CHRDL2: variants seen among roughly 807,000 people sequenced by gnomAD.
CHRDL2 encodes the protein chordin like 2, also known as chordin-like protein 2.
In CHRDL2, 41 loss-of-function variants were observed where a neutral mutation model predicts 54.3. That is an observed-to-expected ratio of 0.76 (90% CI 0.59 to 0.98). The LOEUF is 0.98. Ranked by LOEUF, CHRDL2 falls within the 50% of genes least tolerant of loss-of-function variation. The pLI, the probability that CHRDL2 is intolerant of heterozygous loss-of-function variation, is 0.00. For missense variants in CHRDL2, 518 were observed against 562.4 expected, an observed-to-expected ratio of 0.92 and a Z score of 0.80; for synonymous variants, 220 against 224.3, an observed-to-expected ratio of 0.98 and a Z score of 0.17.
chr11:74,703,160 C>T, intron 8 of CHRDL2, 145 bp downstream of exon 8: 2 of 1,084,786 alleles, frequency 1.8e-6, no homozygotes. Context: ...TTTTCCACTC[C>T]TGTGTGTCTG....
At chr11:74,697,110 C>G in intron 10 of CHRDL2, 95 bp downstream of exon 10, 2 of 942,460 alleles carry the variant, frequency 2.1e-6, no homozygotes, top group Non-Finnish European at 3.3e-6. Context: ...AGCCCCTCCT[C>G]CCGGCACCAG....
At chr11:74,718,317 G>A (rs76421961) in intron 2 of CHRDL2, among the ~76,000 whole-genome samples, 3,706 of 152,326 alleles carry the variant, frequency 0.024, 335 homozygotes, top group Admixed American at 0.16. Flanking sequence ...GCTAGTGGAG[G>A]TGGGGGAACA....
intron 4 of CHRDL2, among the ~76,000 whole-genome samples, chr11:74,710,133 A>G (rs768759001): frequency 4.0e-5 from 6 of 151,440 alleles, no homozygotes; most frequent in Admixed American, 6.6e-5. Flanking sequence ...GGAGAATGGC[A>G]TGAACCCGGG....
intron 2 of CHRDL2, among the ~76,000 whole-genome samples, chr11:74,714,798 T>G (rs1380412297): frequency 6.6e-6 from 1 of 152,208 alleles, no homozygotes; most frequent in African/African-American, 2.4e-5. Context: ...GTCTCTTGAT[T>G]CTGGCCTCGA....
At chr11:74,716,416 T>G (rs866176285) in intron 2 of CHRDL2, among the ~76,000 whole-genome samples, 1 of 151,820 alleles carries the variant, frequency 6.6e-6, no homozygotes, top group African/African-American at 2.4e-5. Context: ...GTGCCTGTAG[T>G]CCCAGCTACT....
intron 1 of CHRDL2, among the ~76,000 whole-genome samples, chr11:74,727,286 C>T (rs187986016): frequency 2.0e-5 from 3 of 152,210 alleles, no homozygotes; most frequent in Non-Finnish European, 4.4e-5. Context: ...CCCTCCACAT[C>T]ACATCCTACC....
intron 2 of CHRDL2, among the ~76,000 whole-genome samples, chr11:74,715,994 TAATA>T (rs145360099): frequency 0.091 from 13,852 of 151,734 alleles, 713 homozygotes; most frequent in Non-Finnish European, 0.13. Context: ...AATAAATAAA[TAATA>T]AATAAATAAA....
At position 74,696,537 on chromosome 11, in the gene CHRDL2, G is replaced by A. The variant is rs751859814; in HGVS notation, c.1262C>T (p.Ala421Val). 1.2e-6 allele frequency: 2 copies of A among 1,614,066 alleles called. No individual in the cohort carries two copies. The highest frequency in any genetic ancestry group is 2.2e-5 in the South Asian group (2 of 91,076). ...TGTCTTGGTCACTTTGTCTGGACTG[G>A]CCGTGACCTTCAGCTCCAGGGTCTG... is the stretch of plus-strand genomic sequence containing the variant. The part of the protein sequence containing the change: ...LAQTLELKVT[A>V]SPDKVTKT Residue 421 changes from alanine to valine, a missense_variant, in exon 11 of 11, where the codon GCC becomes GTC. Coordinates refer to ENST00000376332, the MANE Select transcript of CHRDL2 (RefSeq NM_001278473.3).
At chr11:74,701,534 G>A in intron 9 of CHRDL2, 1 of 710,824 alleles carries the variant, frequency 1.4e-6, no homozygotes, top group South Asian at 1.5e-5. Context: ...AGTAGAGCAG[G>A]GAAAGAGCCG....
At position 74,730,906 on chromosome 11, in the gene CHRDL2, G is replaced by A. The variant is rs2034643179; in HGVS notation, c.-18C>T. On this transcript the variant is annotated 5_prime_UTR_variant, in exon 1 of 11. Coordinates refer to ENST00000376332, the MANE Select transcript of CHRDL2 (RefSeq NM_001278473.3). ...GGAACCATCCTTTCCCCAGGGTCAGGCCGCTGGTCCGGGAGCGGAGTCGGG... is the reference window on the plus strand; with the variant it reads ...GGAACCATCCTTTCCCCAGGGTCAGACCGCTGGTCCGGGAGCGGAGTCGGG... The A allele has an allele frequency of 6.3e-7, 1 of 1,596,934 alleles. No homozygotes were observed. Among genetic ancestry groups the A allele is most frequent in the Non-Finnish European group, 8.5e-7 (1 of 1,171,484 alleles).
At chr11:74,726,719 A>G (rs1241323571) in intron 1 of CHRDL2, among the ~76,000 whole-genome samples, 1 of 152,238 alleles carries the variant, frequency 6.6e-6, no homozygotes. Context: ...GCTCAGGCTC[A>G]GCAGCCTGTG....
rs762066751 is a variant in CHRDL2 at position 74,710,830 on chromosome 11, G to T, written c.432+19C>A. On this transcript the variant is annotated intron_variant, in intron 4 of 10. Transcript: ENST00000376332. The stretch of plus-strand genomic sequence containing the variant: ...CCCAGAGCGCTGGCCTGTGCTGAAG[G>T]GAAGGCAGGAGTTCTTACTGTGCAG... The T allele has an allele frequency of 5.6e-6, 9 of 1,613,394 alleles. No individual in the cohort carries two copies. The highest frequency in any genetic ancestry group is 2.2e-5 in the East Asian group (1 of 44,880).
At chr11:74,702,733 T>C in intron 9 of CHRDL2, 61 bp downstream of exon 9, 2 of 1,570,720 alleles carry the variant, frequency 1.3e-6, no homozygotes, top group Non-Finnish European at 1.8e-6. Flanking sequence ...CTGTGGGGTC[T>C]GGGGCACGGG....
At chr11:74,706,431 A>C in intron 6 of CHRDL2, 56 bp downstream of exon 6, 1 of 1,547,700 alleles carries the variant, frequency 6.5e-7, no homozygotes, top group South Asian at 1.1e-5. Flanking sequence ...CACGAGATTT[A>C]GGCCCTGGAT....
At chr11:74,725,066 T>A (rs1289128808) in intron 1 of CHRDL2, among the ~76,000 whole-genome samples, 1 of 152,060 alleles carries the variant, frequency 6.6e-6, no homozygotes, top group East Asian at 1.9e-4. Flanking sequence ...CAATCTCTGC[T>A]CACTGCAACC....
chr11:74,728,291 C>T (rs1472573681), intron 1 of CHRDL2, among the ~76,000 whole-genome samples: 5 of 152,152 alleles, frequency 3.3e-5, no homozygotes, highest in Admixed American at 6.5e-5. Context: ...TCTGAAAGCA[C>T]CTAAGATATC....
chr11:74,697,631 G>C (rs11236219), intron 9 of CHRDL2: 2 of 472,642 alleles, frequency 4.2e-6, no homozygotes, highest in Non-Finnish European at 8.4e-6. Context: ...ACGTCCTGTC[G>C]CCTCCACAGT....
chr11:74,703,745 C>A (rs2033914065), intron 7 of CHRDL2, among the ~76,000 whole-genome samples: 2 of 152,268 alleles, frequency 1.3e-5, no homozygotes, highest in African/African-American at 4.8e-5. Context: ...TCCTCCCTCA[C>A]CCTTCAGGGC....
At position 74,696,486 on chromosome 11, in the gene CHRDL2, T is replaced by C. The variant is rs1161931823; in HGVS notation, c.*23A>G. On this transcript the variant is annotated 3_prime_UTR_variant, in exon 11 of 11. Transcript: ENST00000376332. ...ATAATAACAACAATTATACAGCTCA[T>C]ATCTGCAACTGTTAGGTCTTTGTTA... 1.9e-6 allele frequency: 3 copies of C among 1,578,220 alleles called. No individual in the cohort carries two copies. The highest frequency in any genetic ancestry group is 2.2e-5 in the South Asian group (2 of 90,348).
Sources: allele counts gnomAD v4.1 joint callset (sites outside exome capture counted in the v4.1 genomes callset), GRCh38; gene constraint gnomAD v4.1.1; transcripts MANE v1.5; gene names NCBI Gene and HGNC (gene_info 2026-07-23, HGNC 2026-07-21).